The following UHRF1 variants were observed in gnomAD, a reference collection of about 807,000 sequenced individuals.
The protein encoded by UHRF1 is E3 ubiquitin-protein ligase UHRF1.
Under a neutral mutation model 96.5 loss-of-function variants are expected in UHRF1, and 9 were observed. That is an observed-to-expected ratio of 0.09 (90% CI 0.06 to 0.16). The LOEUF is 0.16. UHRF1 is among the 10% of genes least tolerant of loss of function. The pLI, the probability that UHRF1 is intolerant of heterozygous loss-of-function variation, is 1.00. For missense variants in UHRF1, 626 were observed against 1,131.1 expected (o/e 0.55, Z 6.40); for synonymous variants, 455 against 469.9 (o/e 0.97, Z 0.41).
chr19:4,914,043 G>A lies in UHRF1; in HGVS notation c.153+3005G>A, dbSNP rs77503629. ...TTGGTCAGGCTGGTCTCGAACTCCC[G>A]ACCTCAGGTGATTCACACCCCCCTC... On this transcript the variant is annotated intron_variant, in intron 2 of 16. Coordinates refer to ENST00000650932, the MANE Select transcript of UHRF1 (RefSeq NM_001048201.3). 2.8e-3 allele frequency among the ~76,000 whole-genome samples: 423 copies of A among 151,888 alleles called. 5 individuals carry two copies. The highest frequency in any genetic ancestry group is 9.8e-3 in the African/African-American group (404 of 41,414).
chr19:4,951,111 C>T, intron 13 of UHRF1, 115 bp downstream of exon 13: 1 of 1,350,726 alleles, frequency 7.4e-7, no homozygotes. Flanking sequence ...ACTAAAAATA[C>T]AAAAATTAGC....
At chr19:4,919,920 C>T (rs1206716234) in intron 2 of UHRF1, among the ~76,000 whole-genome samples, 1 of 151,910 alleles carries the variant, frequency 6.6e-6, no homozygotes, top group Non-Finnish European at 1.5e-5. Flanking sequence ...CGGGTTCAAG[C>T]GATTCTCCTG....
At chr19:4,940,630 T>G (rs2033364829) in intron 5 of UHRF1, among the ~76,000 whole-genome samples, 1 of 151,702 alleles carries the variant, frequency 6.6e-6, no homozygotes, top group East Asian at 1.9e-4. Context: ...CCTCCCAAAG[T>G]GCTGGAATTA....
chr19:4,957,568 A>G (rs1454543011), intron 16 of UHRF1, among the ~76,000 whole-genome samples: 2 of 152,036 alleles, frequency 1.3e-5, no homozygotes, highest in African/African-American at 4.8e-5. Context: ...TTGGCCTCCC[A>G]AAGTGCTGGG....
rs755209746 is a variant in UHRF1 at position 4,954,831 on chromosome 19, G to T, written c.2130+9G>T. 9.1e-5 allele frequency: 147 copies of T among 1,612,192 alleles called. No homozygotes were observed. In the South Asian group the frequency reaches 1.2e-3, roughly 13 times the overall value. ...CGGCGAGCGGCAGCCCGGTAGGCTC[G>T]CACGGCTCACTCGTCGCCCTGATTT... is the stretch of plus-strand genomic sequence containing the variant. On this transcript the variant is annotated intron_variant, in intron 15 of 16. Transcript: ENST00000650932. The surrounding 1 kb of genome is among the most constrained non-coding windows in gnomAD (Gnocchi z 5.9).
chr19:4,935,577 C>T (rs999540231), intron 5 of UHRF1, among the ~76,000 whole-genome samples: 3 of 151,558 alleles, frequency 2.0e-5, no homozygotes, highest in Admixed American at 6.6e-5. Flanking sequence ...TCTTGGAGGC[C>T]GCCTGCAGTT....
rs74629550 is a variant in UHRF1 at position 4,942,641 on chromosome 19, G to T, written c.1073+710G>T. 5.5e-4 allele frequency among the ~76,000 whole-genome samples: 83 copies of T among 152,202 alleles called. 4 individuals are homozygous for T. The East Asian group carries it at 0.016, about 28-fold the overall frequency. On this transcript the variant is annotated intron_variant, in intron 7 of 16. Transcript: ENST00000650932. Reference sequence around the variant, plus strand: ...TTTTTGTATTTTTAGTAGAGACGGGGTTTCACCATCTTGGCCAGGCTGGTC... The same window carrying T: ...TTTTTGTATTTTTAGTAGAGACGGGTTTTCACCATCTTGGCCAGGCTGGTC...
At chr19:4,935,177 AG>A (rs1243960051) in intron 5 of UHRF1, among the ~76,000 whole-genome samples, 1 of 152,100 alleles carries the variant, frequency 6.6e-6, no homozygotes, top group African/African-American at 2.4e-5. Flanking sequence ...CATGCTGCCC[AG>A]GCTGGTCTTG....
At chr19:4,944,507 G>T in intron 9 of UHRF1, 57 bp downstream of exon 9, 1 of 1,594,230 alleles carries the variant, frequency 6.3e-7, no homozygotes, top group Non-Finnish European at 8.6e-7. Flanking sequence ...GCTTTTCTGG[G>T]GGCAGTTTCT....
rs369277250 is a variant in UHRF1 at position 4,929,398 on chromosome 19, C to T, written c.330C>T (p.His110=). The part of the protein sequence containing the change: ...GQSESDKSST[H]GEAAAETDSR... ...GTGAGTCAGACAAGTCCTCCACCCA[C>T]GGTGAGGCGGCCGCCGAGACTGACA... The change falls in exon 3 of 17, where the codon CAC becomes CAT. Residue 110 remains histidine, a synonymous_variant. Coordinates refer to ENST00000650932, the MANE Select transcript of UHRF1 (RefSeq NM_001048201.3). 3.6e-5 allele frequency: 58 copies of T among 1,613,630 alleles called. No homozygotes were observed. The highest frequency in any genetic ancestry group is 1.7e-4 in the Middle Eastern group (1 of 6,048).
intron 2 of UHRF1, among the ~76,000 whole-genome samples, chr19:4,918,574 C>G (rs1363541564): frequency 6.6e-6 from 1 of 151,076 alleles, no homozygotes; most frequent in Non-Finnish European, 1.5e-5. Flanking sequence ...ACCACCATGC[C>G]CGGCTAATTT....
intron 4 of UHRF1, 178 bp from the exon 5 acceptor site, chr19:4,932,563 A>G (rs2033086355): frequency 1.5e-6 from 1 of 656,236 alleles, no homozygotes. Context: ...AACCCATAAC[A>G]ATTTTGTACC....
chr19:4,959,320 A>G (rs1185942206), intron 16 of UHRF1, among the ~76,000 whole-genome samples: 5 of 151,686 alleles, frequency 3.3e-5, no homozygotes, highest in African/African-American at 1.2e-4. Context: ...ACAGAGCGAG[A>G]CTCTATCTTA....
chr19:4,956,928 T>G lies in UHRF1; in HGVS notation c.2235+115T>G, dbSNP rs143076173. 3.5e-3 allele frequency: 2,668 copies of G among 759,862 alleles called. 8 individuals are homozygous for G. The highest frequency in any genetic ancestry group is 5.0e-3 in the Non-Finnish European group (2,202 of 443,306). 47.1% of individuals were successfully genotyped at this position (759,862 alleles called of 1,614,324 possible). A position where few individuals can be genotyped will look rare whatever the true frequency, so the allele number is the denominator to read the frequency against. ...GGCTTGTTGGCTTTGCTCCGCTCAC[T>G]CTGCAGCTTTTCTCGGGGCCCTGTT... On this transcript the variant is annotated intron_variant, in intron 16 of 16. Coordinates refer to ENST00000650932, the MANE Select transcript of UHRF1 (RefSeq NM_001048201.3).
intron 5 of UHRF1, among the ~76,000 whole-genome samples, chr19:4,935,953 C>G (rs2033203501): frequency 6.6e-6 from 1 of 152,212 alleles, no homozygotes; most frequent in Non-Finnish European, 1.5e-5. Flanking sequence ...AGTCCCTCCC[C>G]TAGCAGAAGA....
At chr19:4,945,146 T>C (rs938341121) in intron 9 of UHRF1, among the ~76,000 whole-genome samples, 1 of 152,212 alleles carries the variant, frequency 6.6e-6, no homozygotes, top group Non-Finnish European at 1.5e-5. Flanking sequence ...CGGGGCCCCA[T>C]GCTCAGGCCA....
At chr19:4,910,785 C>T in intron 1 of UHRF1, 91 bp from the exon 2 acceptor site, 1 of 1,446,506 alleles carries the variant, frequency 6.9e-7, no homozygotes, top group East Asian at 2.4e-5. Flanking sequence ...TGTCCACAGG[C>T]CGGACAAAAG....
intron 2 of UHRF1, among the ~76,000 whole-genome samples, chr19:4,925,253 G>T (rs577834939): frequency 6.6e-6 from 1 of 152,262 alleles, no homozygotes; most frequent in East Asian, 1.9e-4. Context: ...TTGTCACCTT[G>T]AAAGGAAACC....
At chr19:4,904,029 T>C (rs1336454473) in intron 1 of UHRF1, among the ~76,000 whole-genome samples, 1 of 151,910 alleles carries the variant, frequency 6.6e-6, no homozygotes, top group Non-Finnish European at 1.5e-5. Context: ...CAGGCTGGAG[T>C]GCAGTGGCGT....
Sources: gnomAD v4.1 joint callset for allele counts (sites outside exome capture counted in the v4.1 genomes callset) on GRCh38, gnomAD v4.1.1 for gene constraint, Gnocchi (gnomAD v3.1) non-coding constraint, MANE v1.5 for transcripts, NCBI Gene and HGNC (gene_info 2026-07-23, HGNC 2026-07-21) for gene names.